The following PCDHA10 variants were observed in gnomAD, a reference collection of about 807,000 sequenced individuals.
PCDHA10 encodes the protein protocadherin alpha 10, also known as protocadherin alpha-10.
A neutral mutation model predicts 61.2 loss-of-function variants in PCDHA10; 45 were observed. That is an observed-to-expected ratio of 0.74 (90% CI 0.58 to 0.94). The LOEUF (loss-of-function observed/expected upper bound fraction) is 0.94. Ranked by LOEUF, PCDHA10 falls within the 40% of genes least tolerant of loss-of-function variation. The pLI, the probability that PCDHA10 is intolerant of heterozygous loss-of-function variation, is 0.00. For synonymous variants in PCDHA10, 602 were observed against 548.8 expected (o/e 1.10, Z -1.35); for missense variants, 1,278 against 1,236.2 (o/e 1.03, Z -0.51).
chr5:140,865,443 G>A (rs192930935), intron 1 of PCDHA10: 1 of 152,292 alleles, frequency 6.6e-6, no homozygotes, highest in East Asian at 1.9e-4. Context: ...TAACTTCTGA[G>A]AAGATGATTT....
chr5:140,863,639 A>C, intron 1 of PCDHA10: 2 of 305,014 alleles, frequency 6.6e-6, no homozygotes, highest in South Asian at 6.1e-5. Context: ...ATGTTCACCA[A>C]GTTATTAATT....
intron 1 of PCDHA10, among the ~76,000 whole-genome samples, chr5:140,924,369 G>A (rs2081798645): frequency 6.6e-6 from 1 of 152,144 alleles, no homozygotes; most frequent in Admixed American, 6.5e-5. Context: ...AGGCAAACTA[G>A]CCAAGGGGTA....
intron 1 of PCDHA10, among the ~76,000 whole-genome samples, chr5:140,900,786 A>C (rs888308882): frequency 2.0e-5 from 3 of 152,152 alleles, no homozygotes; most frequent in African/African-American, 7.2e-5. Flanking sequence ...GAAACTCCAA[A>C]CTGTTCTCCA....
At chr5:141,005,479 G>A (rs371636060) in intron 3 of PCDHA10, among the ~76,000 whole-genome samples, 43 of 151,818 alleles carry the variant, frequency 2.8e-4, no homozygotes, top group Non-Finnish European at 2.6e-4. Context: ...CGAGACGGGC[G>A]GATCATGAGG....
chr5:140,926,656 T>C (rs1372034097), intron 1 of PCDHA10: 1 of 513,300 alleles, frequency 1.9e-6, no homozygotes, highest in Non-Finnish European at 3.1e-6. Flanking sequence ...CGGCTCCGCT[T>C]TCCCAGACGG....
intron 1 of PCDHA10, chr5:140,928,535 G>A (rs1554205968): frequency 2.5e-6 from 4 of 1,614,224 alleles, no homozygotes; most frequent in East Asian, 2.2e-5. Context: ...GTGGTAGATA[G>A]GAATGACAAT....
intron 1 of PCDHA10, among the ~76,000 whole-genome samples, chr5:140,937,679 G>A (rs1357548421): frequency 5.9e-5 from 9 of 151,884 alleles, no homozygotes; most frequent in African/African-American, 1.9e-4. Context: ...TTGGGAGGCT[G>A]AGGCAGGCGG....
At chr5:140,914,116 A>T (rs2076611706) in intron 1 of PCDHA10, among the ~76,000 whole-genome samples, 1 of 152,128 alleles carries the variant, frequency 6.6e-6, no homozygotes. Flanking sequence ...ATTAAGTCTG[A>T]TGTTTCTTTG....
At chr5:140,860,772 C>G (rs1554153719) in intron 1 of PCDHA10, 1 of 152,248 alleles carries the variant, frequency 6.6e-6, no homozygotes, top group African/African-American at 2.4e-5. Context: ...GAGTCTCGCT[C>G]TGTTGCCCAG....
intron 1 of PCDHA10, among the ~76,000 whole-genome samples, chr5:140,923,307 G>A (rs541732390): frequency 9.2e-5 from 14 of 152,288 alleles, no homozygotes; most frequent in African/African-American, 3.1e-4. Flanking sequence ...GCGTGGGGGC[G>A]CTTGGCCTAG....
chr5:140,864,892 A>G (rs1240811455), intron 1 of PCDHA10: 4 of 152,184 alleles, frequency 2.6e-5, no homozygotes, highest in African/African-American at 4.8e-5. Flanking sequence ...ATTAAGCTGC[A>G]TGGTCTTCAG....
chr5:140,974,467 A>C (rs2096628825), intron 1 of PCDHA10, among the ~76,000 whole-genome samples: 1 of 152,228 alleles, frequency 6.6e-6, no homozygotes, highest in Non-Finnish European at 1.5e-5. Context: ...TTCAGAGGAA[A>C]GTATTCCACC....
intron 1 of PCDHA10, chr5:140,858,664 AATTT>A: frequency 1.4e-6 from 1 of 728,728 alleles, no homozygotes; most frequent in Non-Finnish European, 2.2e-6. Flanking sequence ...TTTAAATAAC[AATTT>A]ATTCTGAATA....
intron 3 of PCDHA10, among the ~76,000 whole-genome samples, chr5:140,999,602 G>A (rs150839481): frequency 5.1e-4 from 78 of 152,202 alleles, no homozygotes; most frequent in African/African-American, 1.9e-3. Flanking sequence ...CTACATCCTG[G>A]GGGACCTTAT....
intron 1 of PCDHA10, chr5:140,870,675 C>T (rs1554164570): frequency 6.2e-7 from 1 of 1,612,672 alleles, no homozygotes. Flanking sequence ...CGTTGGACCA[C>T]GAGGAGCTGG....
rs1446194845 is a variant in PCDHA10 at position 140,858,041 on chromosome 5, C to T, written c.1993C>T (p.Leu665Phe). 8 of 1,596,732 alleles carry T rather than the reference C, an allele frequency of 5.0e-6. No homozygotes were observed. The African/African-American group carries it at 6.8e-5, about 14-fold the overall frequency. Residue 665 changes from leucine to phenylalanine, a missense_variant, in exon 1 of 4, where the codon CTT becomes TTT. Leu to Phe is a conservative substitution (Grantham distance 22). Transcript: ENST00000307360. ...EPSLTATATV[L>F]VSLVEGSQAP... ...GTCGCTGACGGCCACGGCCACTGTG[C>T]TTGTGTCGCTTGTGGAGGGCAGCCA...
At chr5:140,977,379 C>T (rs921133722) in intron 1 of PCDHA10, among the ~76,000 whole-genome samples, 4 of 152,134 alleles carry the variant, frequency 2.6e-5, no homozygotes, top group African/African-American at 2.4e-5. Flanking sequence ...AGTCATATTT[C>T]CAGGTTTATA....
rs111233751 is a variant in PCDHA10, at chr5:140,887,119, C to T, written c.2388+28683C>T. On this transcript the variant is annotated intron_variant, in intron 1 of 3. Transcript: ENST00000307360. ...TTTATCTCTTTTTTTTTTTTTGAGA[C>T]GGAGTCTCACTCTGTCGCCCAGGCT... 6.0e-3 allele frequency among the ~76,000 whole-genome samples: 904 copies of T among 149,504 alleles called. 4 individuals are homozygous for T. The highest frequency in any genetic ancestry group is 0.014 in the Middle Eastern group (4 of 294).
At chr5:140,871,176 GCT>G in intron 1 of PCDHA10, 6 of 1,613,534 alleles carry the variant, frequency 3.7e-6, no homozygotes, top group Non-Finnish European at 5.1e-6. Context: ...CAGAGGCTGC[GCT>G]GGTGGATGTC....
Sources: gnomAD v4.1 joint callset for allele counts (sites outside exome capture counted in the v4.1 genomes callset) on GRCh38, gnomAD v4.1.1 for gene constraint, MANE v1.5 for transcripts, NCBI Gene and HGNC (gene_info 2026-07-23, HGNC 2026-07-21) for gene names.